TNKS: variants seen among roughly 807,000 people sequenced by gnomAD.
The protein encoded by TNKS is poly [ADP-ribose] polymerase tankyrase-1.
A neutral mutation model predicts 135.8 loss-of-function variants in TNKS; 72 were observed. That is an observed-to-expected ratio of 0.53 (90% CI 0.44 to 0.64). The LOEUF is 0.64. TNKS is among the 30% of genes least tolerant of loss of function. The probability of loss-of-function intolerance (pLI) is 0.00; values close to 1 mark genes in which losing one functional copy is unlikely to be tolerated. For synonymous variants in TNKS, 849 were observed against 649.3 expected, an observed-to-expected ratio of 1.31 and a Z score of -4.68; for missense variants, 1,769 against 1,674.0, an observed-to-expected ratio of 1.06 and a Z score of -0.99.
intron 3 of TNKS, among the ~76,000 whole-genome samples, chr8:9,651,714 A>G (rs1801155201): frequency 6.6e-6 from 1 of 152,192 alleles, no homozygotes; most frequent in Admixed American, 6.5e-5. Context: ...ATTGTTGGCC[A>G]CTTTTCTAGC....
intron 3 of TNKS, among the ~76,000 whole-genome samples, chr8:9,617,445 T>C (rs1286367800): frequency 1.3e-5 from 2 of 152,242 alleles, no homozygotes; most frequent in Admixed American, 1.3e-4. Context: ...ATCTACTTTT[T>C]TGGAAATGAT....
intron 15 of TNKS, among the ~76,000 whole-genome samples, chr8:9,733,864 TGTA>T (rs1805562575): frequency 6.6e-6 from 1 of 152,172 alleles, no homozygotes; most frequent in African/African-American, 2.4e-5. Flanking sequence ...AAGAACTTAT[TGTA>T]GTATCAGATT....
chr8:9,669,947 T>A (rs1191665710), intron 3 of TNKS, among the ~76,000 whole-genome samples: 1 of 152,170 alleles, frequency 6.6e-6, no homozygotes, highest in African/African-American at 2.4e-5. Flanking sequence ...AGAAAACCAG[T>A]TTGCTTTTTC....
intron 1 of TNKS, among the ~76,000 whole-genome samples, chr8:9,575,692 A>G (rs1797920512): frequency 6.6e-6 from 1 of 152,222 alleles, no homozygotes; most frequent in Non-Finnish European, 1.5e-5. Context: ...CAGAATCATA[A>G]GAAAAAGACA....
intron 24 of TNKS, 94 bp from the exon 25 acceptor site, chr8:9,766,145 C>G: frequency 9.4e-7 from 1 of 1,067,122 alleles, no homozygotes; most frequent in Non-Finnish European, 1.3e-6. Context: ...CCATTCATTT[C>G]TTAATATTAA....
rs535714087 is a variant in TNKS, at chr8:9,652,071, A to G, written c.995-27880A>G. Among the ~76,000 whole-genome samples, 30 of 152,340 alleles carry G rather than the reference A, an allele frequency of 2.0e-4. No homozygotes were observed. The East Asian group carries it at 2.7e-3, about 14-fold the overall frequency. On this transcript the variant is annotated intron_variant, in intron 3 of 26. Coordinates refer to ENST00000310430, the MANE Select transcript of TNKS (RefSeq NM_003747.3). ...AAAATGACATGTATTAAATATAGAAACAAATCTTTACTTTCATCATAGCTT... is the reference window on the plus strand; with the variant it reads ...AAAATGACATGTATTAAATATAGAAGCAAATCTTTACTTTCATCATAGCTT...
intron 3 of TNKS, among the ~76,000 whole-genome samples, chr8:9,644,634 G>A (rs1253387741): frequency 6.6e-6 from 1 of 152,110 alleles, no homozygotes; most frequent in Non-Finnish European, 1.5e-5. Flanking sequence ...CAAATTGGGT[G>A]GCATTTCTTT....
At chr8:9,775,858 G>A (rs946472062) in intron 26 of TNKS, among the ~76,000 whole-genome samples, 2 of 151,586 alleles carry the variant, frequency 1.3e-5, no homozygotes, top group Admixed American at 6.6e-5. Flanking sequence ...TAGTTTCATC[G>A]TCATGTTATA....
chr8:9,735,538 C>G (rs375944228), intron 17 of TNKS, 52 bp downstream of exon 17: 1 of 1,418,788 alleles, frequency 7.0e-7, no homozygotes. Context: ...CGGTGGCTCA[C>G]GCCTGTAATC....
chr8:9,765,653 G>T (rs576637166), intron 23 of TNKS, 39 bp from the exon 24 acceptor site: 8 of 1,523,022 alleles, frequency 5.3e-6, no homozygotes, highest in Admixed American at 1.7e-5. Flanking sequence ...ATAAATGCAC[G>T]TTTCACCGAT....
At chr8:9,617,205 T>A (rs1210723058) in intron 3 of TNKS, among the ~76,000 whole-genome samples, 1 of 152,216 alleles carries the variant, frequency 6.6e-6, no homozygotes, top group Non-Finnish European at 1.5e-5. Flanking sequence ...GGAGATTATA[T>A]TGGATGTTGT....
chr8:9,570,516 T>A (rs1797716460), intron 1 of TNKS, among the ~76,000 whole-genome samples: 2 of 152,194 alleles, frequency 1.3e-5, no homozygotes, highest in African/African-American at 4.8e-5. Flanking sequence ...ATGGGTAGAA[T>A]AACCAACTGC....
rs772466595 is a variant in TNKS at position 9,580,338 on chromosome 8, C to G, written c.853C>G (p.Pro285Ala). 7.4e-6 allele frequency: 12 copies of G among 1,614,132 alleles called. No individual in the cohort carries two copies. The highest frequency in any genetic ancestry group is 1.1e-5 in the South Asian group (1 of 91,072). ...TGCCAGGGATAACTGGAACTATACA[C>G]CTCTGCATGAAGCTGCTATTAAAGG... Reference protein sequence around the residue: ...PNARDNWNYTPLHEAAIKGKI... With the variant: ...PNARDNWNYTALHEAAIKGKI... The change falls in exon 2 of 27, where the codon CCT becomes GCT. Residue 285 changes from proline (P) to alanine (A), a missense_variant. Physicochemically the swap from Pro to Ala is conservative, Grantham distance 27. Coordinates refer to ENST00000310430, the MANE Select transcript of TNKS (RefSeq NM_003747.3).
chr8:9,622,093 G>T (rs147474471), intron 3 of TNKS, among the ~76,000 whole-genome samples: 1 of 152,114 alleles, frequency 6.6e-6, no homozygotes, highest in Non-Finnish European at 1.5e-5. Context: ...TATATTAAAC[G>T]TGGTTGAAAG....
intron 23 of TNKS, among the ~76,000 whole-genome samples, chr8:9,765,353 T>A (rs919229124): frequency 4.7e-4 from 72 of 152,056 alleles, no homozygotes; most frequent in Non-Finnish European, 8.8e-4. Flanking sequence ...GGAACTTTTT[T>A]AAAAAAAATA....
chr8:9,624,664 G>A (rs1188095026), intron 3 of TNKS, among the ~76,000 whole-genome samples: 1 of 151,756 alleles, frequency 6.6e-6, no homozygotes, highest in Non-Finnish European at 1.5e-5. Context: ...TTTTAATTAG[G>A]GTAAACCTGG....
intron 8 of TNKS, 39 bp from the exon 9 acceptor site, chr8:9,708,332 T>C (rs781607859): frequency 6.7e-7 from 1 of 1,485,142 alleles, no homozygotes; most frequent in Non-Finnish European, 9.0e-7. Flanking sequence ...TTATACATTT[T>C]TACATCTTTT....
chr8:9,663,964 GA>G (rs1470123746), intron 3 of TNKS, among the ~76,000 whole-genome samples: 3 of 152,148 alleles, frequency 2.0e-5, no homozygotes, highest in Non-Finnish European at 4.4e-5. Flanking sequence ...CCTCCCTGGA[GA>G]TCAGGCATGG....
At chr8:9,615,450 T>G (rs191923907) in intron 2 of TNKS, 132 bp from the exon 3 acceptor site, 21 of 657,896 alleles carry the variant, frequency 3.2e-5, no homozygotes, top group Middle Eastern at 3.0e-4. Context: ...TTGCTTTTTT[T>G]CTTTTTTTTT....
Sources: gnomAD v4.1 joint callset for allele counts (sites outside exome capture counted in the v4.1 genomes callset) on GRCh38, gnomAD v4.1.1 for gene constraint, MANE v1.5 for transcripts, NCBI Gene and HGNC (gene_info 2026-07-23, HGNC 2026-07-21) for gene names.